The following MLLT3 variants were observed in gnomAD, a reference collection of about 807,000 sequenced individuals.
MLLT3 encodes protein AF-9.
In MLLT3, 4 loss-of-function variants were observed where a neutral mutation model predicts 53.2. The ratio of observed to expected loss-of-function variants is 0.08; its 90% CI spans 0.04 to 0.17. The LOEUF (loss-of-function observed/expected upper bound fraction) is 0.17. Among genes scored for constraint, MLLT3 ranks in the 10% least tolerant of loss-of-function variants. MLLT3 has a pLI of 1.00. For missense variants in MLLT3, 569 were observed against 684.0 expected, an observed-to-expected ratio of 0.83 and a Z score of 1.87; for synonymous variants, 283 against 230.6, an observed-to-expected ratio of 1.23 and a Z score of -2.06.
intron 2 of MLLT3, among the ~76,000 whole-genome samples, chr9:20,524,467 C>T (rs1329610638): frequency 6.6e-6 from 1 of 151,814 alleles, no homozygotes; most frequent in Admixed American, 6.6e-5. Context: ...TCAAAATCAT[C>T]TTCCATACTT....
intron 2 of MLLT3, among the ~76,000 whole-genome samples, chr9:20,460,379 G>A (rs1223891175): frequency 6.6e-6 from 1 of 152,132 alleles, no homozygotes; most frequent in East Asian, 1.9e-4. Context: ...AATAAAATGG[G>A]ATAATTAACA....
chr9:20,398,067 A>C (rs1328547017), intron 5 of MLLT3, among the ~76,000 whole-genome samples: 1 of 151,984 alleles, frequency 6.6e-6, no homozygotes, highest in Non-Finnish European at 1.5e-5. Context: ...GCATTTTTTC[A>C]TTCATTCTTC....
chr9:20,455,822 T>C (rs182836227), intron 3 of MLLT3, among the ~76,000 whole-genome samples: 13 of 152,270 alleles, frequency 8.5e-5, no homozygotes, highest in African/African-American at 3.1e-4. Context: ...GTAAGTACTC[T>C]TATCTCCTCA....
intron 5 of MLLT3, among the ~76,000 whole-genome samples, chr9:20,381,597 A>T (rs924059419): frequency 3.3e-5 from 5 of 151,964 alleles, no homozygotes; most frequent in Admixed American, 1.3e-4. Flanking sequence ...TAAAAATGAA[A>T]TACATGTACT....
At chr9:20,503,201 AT>A (rs1452439341) in intron 2 of MLLT3, among the ~76,000 whole-genome samples, 1 of 152,194 alleles carries the variant, frequency 6.6e-6, no homozygotes, top group Non-Finnish European at 1.5e-5. Flanking sequence ...CAATCCTAAA[AT>A]TTGTATGGAA....
chr9:20,470,297 G>A (rs1824353320), intron 2 of MLLT3, among the ~76,000 whole-genome samples: 1 of 151,888 alleles, frequency 6.6e-6, no homozygotes, highest in Non-Finnish European at 1.5e-5. Flanking sequence ...ATATTTGGGA[G>A]GCATTATAAT....
chr9:20,565,733 C>T (rs1819336820), intron 2 of MLLT3, among the ~76,000 whole-genome samples: 1 of 150,172 alleles, frequency 6.7e-6, no homozygotes, highest in South Asian at 2.1e-4. Context: ...TTTACCTCTC[C>T]ACCCCCAAGG....
chr9:20,519,930 A>G (rs999971972), intron 2 of MLLT3, among the ~76,000 whole-genome samples: 1 of 152,246 alleles, frequency 6.6e-6, no homozygotes, highest in African/African-American at 2.4e-5. Flanking sequence ...CACAGTAGCA[A>G]CGACATGGAA....
chr9:20,455,654 C>T (rs762727744), intron 3 of MLLT3, among the ~76,000 whole-genome samples: 35 of 152,190 alleles, frequency 2.3e-4, no homozygotes, highest in Admixed American at 6.5e-4. Context: ...AAGCCAATTA[C>T]CTGACTTTTC....
intron 2 of MLLT3, among the ~76,000 whole-genome samples, chr9:20,485,703 A>C (rs1824793239): frequency 6.6e-6 from 1 of 151,454 alleles, no homozygotes; most frequent in Non-Finnish European, 1.5e-5. Flanking sequence ...GCTTTAAATC[A>C]CTCAATTTTA....
rs1480724975 is a variant in MLLT3, at chr9:20,622,312, C to A, written c.-56G>T. ...TGTGTGGTACCCCCCCCTCCTCCGC[C>A]CCCCCTCAGCTGTAATTCATGAAGA... On this transcript the variant is annotated 5_prime_UTR_variant, in exon 1 of 11. Transcript: ENST00000380338. The A allele has an allele frequency of 1.4e-6, 2 of 1,463,316 alleles. No homozygotes were observed. The highest frequency in any genetic ancestry group is 2.5e-5 in the East Asian group (1 of 39,242). 90.6% of individuals were successfully genotyped at this position (1,463,316 alleles called of 1,614,324 possible).
chr9:20,594,083 G>A (rs1414227305), intron 2 of MLLT3, among the ~76,000 whole-genome samples: 1 of 151,762 alleles, frequency 6.6e-6, no homozygotes, highest in African/African-American at 2.4e-5. Context: ...TGGGATTACA[G>A]ACACCCACCA....
intron 2 of MLLT3, among the ~76,000 whole-genome samples, chr9:20,616,391 A>G (rs974574254): frequency 6.6e-6 from 1 of 152,142 alleles, no homozygotes; most frequent in African/African-American, 2.4e-5. Flanking sequence ...GCTAATCCCT[A>G]TTTTTAAAAC....
intron 2 of MLLT3, among the ~76,000 whole-genome samples, chr9:20,468,434 A>C (rs572064815): frequency 1.3e-5 from 2 of 152,336 alleles, no homozygotes; most frequent in African/African-American, 4.8e-5. Context: ...AGGCCACACT[A>C]ATCAGCCCAC....
At chr9:20,547,644 C>CAA (rs71334534) in intron 2 of MLLT3, among the ~76,000 whole-genome samples, 2,614 of 122,730 alleles carry the variant, frequency 0.021, 54 homozygotes, top group Non-Finnish European at 0.028. Flanking sequence ...AACTCCATCT[C>CAA]AAAAAAAAAA....
At chr9:20,556,131 T>G (rs1464397120) in intron 2 of MLLT3, among the ~76,000 whole-genome samples, 2 of 152,228 alleles carry the variant, frequency 1.3e-5, no homozygotes, top group Non-Finnish European at 2.9e-5. Context: ...AACACCTGTA[T>G]ATATGCAATA....
chr9:20,556,465 A>T (rs1435294769), intron 2 of MLLT3, among the ~76,000 whole-genome samples: 2 of 152,144 alleles, frequency 1.3e-5, no homozygotes, highest in Non-Finnish European at 2.9e-5. Flanking sequence ...TGGGCGGATC[A>T]CAAGGTAAGG....
At chr9:20,382,792 T>G (rs1052757875) in intron 5 of MLLT3, among the ~76,000 whole-genome samples, 2 of 151,982 alleles carry the variant, frequency 1.3e-5, no homozygotes, top group Non-Finnish European at 2.9e-5. Flanking sequence ...AAAGTCAGTT[T>G]GACATCAACT....
chr9:20,481,396 C>T (rs1478516711), intron 2 of MLLT3, among the ~76,000 whole-genome samples: 1 of 152,112 alleles, frequency 6.6e-6, no homozygotes, highest in African/African-American at 2.4e-5. Flanking sequence ...TAAGAGATGC[C>T]TAAAGGGATG....
Sources: gnomAD v4.1 joint callset for allele counts (sites outside exome capture counted in the v4.1 genomes callset) on GRCh38, gnomAD v4.1.1 for gene constraint, MANE v1.5 for transcripts, NCBI Gene and HGNC (gene_info 2026-07-23, HGNC 2026-07-21) for gene names.